The following ZCCHC24 variants were observed in gnomAD, a reference collection of about 807,000 sequenced individuals.
The protein encoded by ZCCHC24 is zinc finger CCHC domain-containing protein 24.
Under a neutral mutation model 26.2 loss-of-function variants are expected in ZCCHC24, and 10 were observed. The observed-to-expected ratio is 0.38, with a 90% CI of 0.24 to 0.65. The LOEUF (loss-of-function observed/expected upper bound fraction) is 0.65, where lower values mean the gene tolerates loss of function less well. Among genes scored for constraint, ZCCHC24 ranks in the 30% least tolerant of loss-of-function variants. The pLI is 0.54. For synonymous variants in ZCCHC24, 144 were observed against 147.1 expected, an observed-to-expected ratio of 0.98 and a Z score of 0.15; for missense variants, 243 against 329.1, an observed-to-expected ratio of 0.74 and a Z score of 2.03.
At chr10:79,440,729 T>G (rs1243383448) in intron 1 of ZCCHC24, among the ~76,000 whole-genome samples, 2 of 152,208 alleles carry the variant, frequency 1.3e-5, no homozygotes, top group Non-Finnish European at 2.9e-5. Flanking sequence ...AGCAGAGGAC[T>G]GTTCCACTAG....
chr10:79,443,357 CA>C (rs1244532484), intron 1 of ZCCHC24, among the ~76,000 whole-genome samples: 5 of 152,214 alleles, frequency 3.3e-5, no homozygotes, highest in African/African-American at 1.2e-4. Context: ...CAGGTCCTCT[CA>C]GGGGAGACCC....
chr10:79,389,757 A>C (rs1399447960), intron 3 of ZCCHC24, among the ~76,000 whole-genome samples: 1 of 151,990 alleles, frequency 6.6e-6, no homozygotes, highest in East Asian at 1.9e-4. Context: ...CTGGGATTAC[A>C]GGTGCACACA....
At chr10:79,441,605 G>A (rs1028437784) in intron 1 of ZCCHC24, among the ~76,000 whole-genome samples, 5 of 152,108 alleles carry the variant, frequency 3.3e-5, no homozygotes, top group African/African-American at 1.2e-4. Context: ...CTGTCAAGCT[G>A]AAGAAAGGTT....
rs1032318841 is a variant in ZCCHC24 at position 79,386,319 on chromosome 10, G to A, written c.*26C>T. ...GCGTCTCCTCGGGCTGGCGGGGGGT[G>A]GCTCTGGGTGCGGGCGGGCAGCCCG... is the stretch of plus-strand genomic sequence containing the variant. On this transcript the variant is annotated 3_prime_UTR_variant, in exon 4 of 4. Transcript: ENST00000372336. 1.0e-5 allele frequency: 16 copies of A among 1,603,988 alleles called. No individual in the cohort carries two copies. The highest frequency in any genetic ancestry group is 2.7e-5 in the African/African-American group (2 of 74,828).
At chr10:79,412,231 A>G (rs1316237336) in intron 2 of ZCCHC24, among the ~76,000 whole-genome samples, 1 of 152,260 alleles carries the variant, frequency 6.6e-6, no homozygotes, top group East Asian at 1.9e-4. Context: ...GTCAACTGAC[A>G]AGGAAGTGAG....
Position 79,432,696 on chromosome 10 carries a change from A to T in ZCCHC24, c.309T>A (p.Asp103Glu). The T allele has an allele frequency of 6.2e-7, 1 of 1,609,080 alleles. No homozygotes were observed. The change falls in exon 2 of 4, where the codon GAT (aspartate) becomes GAA (glutamate). Residue 103 changes from aspartate (D) to glutamate (E), a missense_variant. By Grantham distance (45) the Asp-to-Glu change is conservative. Coordinates refer to ENST00000372336, the MANE Select transcript of ZCCHC24 (RefSeq NM_153367.4). Reference sequence around the variant, plus strand: ...AGTGCTCGGTGAGGGAGCTGAGGCCATCGGCGATGTTGTTGAGGGAGCCAT... The same window carrying T: ...AGTGCTCGGTGAGGGAGCTGAGGCCTTCGGCGATGTTGTTGAGGGAGCCAT... The part of the protein sequence containing the change: ...SPYGSLNNIA[D>E]GLSSLTEHFS...
intron 1 of ZCCHC24, among the ~76,000 whole-genome samples, chr10:79,443,275 G>T (rs1430400626): frequency 6.6e-6 from 1 of 152,170 alleles, no homozygotes; most frequent in African/African-American, 2.4e-5. Context: ...TTGGGATCCT[G>T]GATGCCAGAA....
chr10:79,423,550 C>CA lies in ZCCHC24; in HGVS notation c.447+9007dup, dbSNP rs902944775. 1.4e-4 allele frequency among the ~76,000 whole-genome samples: 8 copies of CA among 56,360 alleles called. No homozygotes were observed. The East Asian group carries it at 7.3e-3, about 51-fold the overall frequency. 37.0% of individuals were successfully genotyped at this position (56,360 alleles called of 152,430 possible). ...TGGGTGACAGAGTGAGACTCCATCT[C>CA]AAAAAAACAAAAACAAACAAAATAT... On this transcript the variant is annotated intron_variant, in intron 2 of 3. Coordinates refer to ENST00000372336, the MANE Select transcript of ZCCHC24 (RefSeq NM_153367.4).
chr10:79,412,564 G>A (rs1402363878), intron 2 of ZCCHC24, among the ~76,000 whole-genome samples: 1 of 152,236 alleles, frequency 6.6e-6, no homozygotes, highest in African/African-American at 2.4e-5. Flanking sequence ...TCCCACCGAG[G>A]GAGGAAAACA....
intron 2 of ZCCHC24, among the ~76,000 whole-genome samples, chr10:79,400,722 C>T (rs1312916877): frequency 6.6e-6 from 1 of 152,212 alleles, no homozygotes; most frequent in East Asian, 1.9e-4. Flanking sequence ...TGGCCACACT[C>T]CTGCCCCTGC....
chr10:79,413,880 T>C (rs1434647999), intron 2 of ZCCHC24, among the ~76,000 whole-genome samples: 2 of 152,164 alleles, frequency 1.3e-5, no homozygotes, highest in Non-Finnish European at 2.9e-5. Flanking sequence ...AGCTTTGCTG[T>C]GAGATGGGTG....
At chr10:79,399,972 G>A (rs1856608661) in intron 2 of ZCCHC24, among the ~76,000 whole-genome samples, 1 of 152,220 alleles carries the variant, frequency 6.6e-6, no homozygotes, top group South Asian at 2.1e-4. Flanking sequence ...GCTGCTGAGG[G>A]GGCCTTTGCC....
intron 2 of ZCCHC24, among the ~76,000 whole-genome samples, chr10:79,420,742 C>T (rs1317831277): frequency 6.6e-6 from 1 of 152,112 alleles, no homozygotes; most frequent in Non-Finnish European, 1.5e-5. Context: ...CACTGCACTG[C>T]AGCCTGGGCA....
rs931067566 is a variant in ZCCHC24 at position 79,423,316 on chromosome 10, C to T, written c.447+9242G>A. On this transcript the variant is annotated intron_variant, in intron 2 of 3. Transcript: ENST00000372336. ...CTGTAATCCCAGCACTTTGGGAGTC[C>T]GAGGCAGGCAGATCTCTTGAGGTCA... 3.3e-5 allele frequency among the ~76,000 whole-genome samples: 5 copies of T among 151,872 alleles called. No homozygotes were observed. The East Asian group carries it at 7.8e-4, about 24-fold the overall frequency.
In ZCCHC24 at chr10:79,431,661, C is replaced by T. The variant is rs1028992656; in HGVS notation, c.447+897G>A. 2.0e-5 allele frequency among the ~76,000 whole-genome samples: 3 copies of T among 152,304 alleles called. No individual in the cohort carries two copies. The East Asian group carries it at 5.8e-4, about 29-fold the overall frequency. On this transcript the variant is annotated intron_variant, in intron 2 of 3. Coordinates refer to ENST00000372336, the MANE Select transcript of ZCCHC24 (RefSeq NM_153367.4). ...TCCCACTGGTCCTGAAGGGACCCAG[C>T]CCCACCCAACCACACGTCAGTTTCC...
At chr10:79,420,807 T>C (rs1856924645) in intron 2 of ZCCHC24, among the ~76,000 whole-genome samples, 1 of 152,106 alleles carries the variant, frequency 6.6e-6, no homozygotes, top group Non-Finnish European at 1.5e-5. Flanking sequence ...ATGACAGTAA[T>C]TAACAGTCCT....
intron 2 of ZCCHC24, among the ~76,000 whole-genome samples, chr10:79,395,528 C>T (rs565128434): frequency 6.6e-6 from 1 of 152,294 alleles, no homozygotes; most frequent in East Asian, 1.9e-4. Context: ...CCCCTTCTTC[C>T]CACATACTGC....
At chr10:79,431,087 G>T (rs921917997) in intron 2 of ZCCHC24, among the ~76,000 whole-genome samples, 1 of 152,224 alleles carries the variant, frequency 6.6e-6, no homozygotes, top group Non-Finnish European at 1.5e-5. Flanking sequence ...ACGGAGCTCA[G>T]TCTGGCTCTG....
chr10:79,422,955 A>G (rs1160743681), intron 2 of ZCCHC24, among the ~76,000 whole-genome samples: 1 of 152,184 alleles, frequency 6.6e-6, no homozygotes, highest in East Asian at 1.9e-4. Flanking sequence ...CGTGAAGGGC[A>G]AAGAGACAGC....
Sources: gnomAD v4.1 joint callset for allele counts (sites outside exome capture counted in the v4.1 genomes callset) on GRCh38, gnomAD v4.1.1 for gene constraint, MANE v1.5 for transcripts, NCBI Gene and HGNC (gene_info 2026-07-23, HGNC 2026-07-21) for gene names.